KCTD8: variants seen among roughly 807,000 people sequenced by gnomAD.
KCTD8 encodes the protein potassium channel tetramerization domain containing 8, also known as BTB/POZ domain-containing protein KCTD8.
In KCTD8, 27 loss-of-function variants were observed where a neutral mutation model predicts 31.5. That is an observed-to-expected ratio of 0.86 (90% confidence interval 0.63 to 1.18). The LOEUF (loss-of-function observed/expected upper bound fraction) is 1.18. Among genes scored for constraint, KCTD8 ranks in the 50% most tolerant of loss-of-function variants. KCTD8 has a pLI of 0.00. For synonymous variants in KCTD8, 290 were observed against 280.0 expected (o/e 1.04, Z -0.36); for missense variants, 658 against 647.7 (o/e 1.02, Z -0.17).
At chr4:44,414,403 A>C (rs945551028) in intron 1 of KCTD8, among the ~76,000 whole-genome samples, 3 of 152,170 alleles carry the variant, frequency 2.0e-5, no homozygotes, top group African/African-American at 7.2e-5. Flanking sequence ...ACTTCCAATG[A>C]CCAATTGATT....
intron 1 of KCTD8, among the ~76,000 whole-genome samples, chr4:44,334,000 A>T (rs938872398): frequency 1.6e-4 from 24 of 152,176 alleles, no homozygotes; most frequent in Non-Finnish European, 4.4e-5. Context: ...AACACCATAC[A>T]ACTGGAGAAA....
At position 44,447,688 on chromosome 4, in the gene KCTD8, G is replaced by C; in HGVS notation, c.836C>G (p.Ala279Gly). Residue 279 changes from alanine to glycine, a missense_variant, in exon 1 of 2, where the codon GCC becomes GGC. Transcript: ENST00000360029. Reference sequence around the variant, plus strand: ...GCCGGCCTCGGACAGGCGATCAAAGGCCTGCTCCAAGTAGGTGAACTTGAG... The same window carrying C: ...GCCGGCCTCGGACAGGCGATCAAAGCCCTGCTCCAAGTAGGTGAACTTGAG... The part of the protein sequence containing the change: ...FYLKFTYLEQ[A>G]FDRLSEAGFH... 1 of 1,612,618 alleles carries C rather than the reference G, an allele frequency of 6.2e-7. No individual in the cohort carries two copies. The highest frequency in any genetic ancestry group is 8.5e-7 in the Non-Finnish European group (1 of 1,179,470).
rs942912889 is a variant in KCTD8, at chr4:44,447,783, G to A, written c.741C>T (p.Val247=). ...VCGRIALAKE[V]FGDTLNESRD... ...GGCTCTCGTTGAGCGTGTCCCCGAA[G>A]ACCTCCTTGGCCAGCGCGATGCGCC... Residue 247 remains valine (V), a synonymous_variant, in exon 1 of 2, where the codon GTC becomes GTT. Transcript: ENST00000360029. 6.2e-7 allele frequency: 1 copy of A among 1,610,440 alleles called. No individual in the cohort carries two copies. Among genetic ancestry groups the A allele is most frequent in the Non-Finnish European group, 8.5e-7 (1 of 1,178,272 alleles).
At chr4:44,389,501 T>C (rs1720313594) in intron 1 of KCTD8, among the ~76,000 whole-genome samples, 1 of 151,756 alleles carries the variant, frequency 6.6e-6, no homozygotes, top group Non-Finnish European at 1.5e-5. Flanking sequence ...AAATACTGTA[T>C]GATTCCATAT....
At chr4:44,240,550 G>C (rs1715428849) in intron 1 of KCTD8, among the ~76,000 whole-genome samples, 1 of 152,134 alleles carries the variant, frequency 6.6e-6, no homozygotes. Context: ...TGTTGCCCAG[G>C]CTGATCTCAA....
At chr4:44,410,349 ACT>A (rs1720925558) in intron 1 of KCTD8, among the ~76,000 whole-genome samples, 1 of 152,072 alleles carries the variant, frequency 6.6e-6, no homozygotes, top group Non-Finnish European at 1.5e-5. Flanking sequence ...CACATATTAA[ACT>A]CTTTCTATTA....
chr4:44,416,839 T>G (rs904586390), intron 1 of KCTD8, among the ~76,000 whole-genome samples: 1 of 152,210 alleles, frequency 6.6e-6, no homozygotes, highest in South Asian at 2.1e-4. Context: ...CTTATAGCAA[T>G]GCAAGAATGA....
At chr4:44,318,592 T>C (rs1444356047) in intron 1 of KCTD8, among the ~76,000 whole-genome samples, 1 of 152,144 alleles carries the variant, frequency 6.6e-6, no homozygotes, top group Admixed American at 6.6e-5. Context: ...GAAACAAGGA[T>C]GTCATTGGAT....
intron 1 of KCTD8, among the ~76,000 whole-genome samples, chr4:44,383,548 A>G (rs1412777178): frequency 6.6e-6 from 1 of 152,118 alleles, no homozygotes; most frequent in Non-Finnish European, 1.5e-5. Flanking sequence ...AACAGTGGCA[A>G]GAATGTACAA....
At chr4:44,294,982 A>T (rs1433793725) in intron 1 of KCTD8, among the ~76,000 whole-genome samples, 1 of 152,088 alleles carries the variant, frequency 6.6e-6, no homozygotes. Flanking sequence ...GCAAAAGGAG[A>T]TAAAAGGCTG....
intron 1 of KCTD8, among the ~76,000 whole-genome samples, chr4:44,436,794 A>G (rs919112060): frequency 1.3e-5 from 2 of 152,124 alleles, no homozygotes; most frequent in African/African-American, 2.4e-5. Flanking sequence ...AAACTTTAAA[A>G]AAAATGACAA....
rs572248275 is a variant in KCTD8, at chr4:44,275,867, C to T, written c.962-100617G>A. 8.9e-4 allele frequency among the ~76,000 whole-genome samples: 135 copies of T among 152,084 alleles called. No individual in the cohort carries two copies. In the South Asian group the frequency reaches 0.016, roughly 18 times the overall value. ...TGATGGGAAGAAAATAGGAATGATGCTGCCACGTAAAGCTTCCAACAGAAA... is the reference window on the plus strand; with the variant it reads ...TGATGGGAAGAAAATAGGAATGATGTTGCCACGTAAAGCTTCCAACAGAAA... On this transcript the variant is annotated intron_variant, in intron 1 of 1. Transcript: ENST00000360029.
At chr4:44,187,083 C>T (rs1219140768) in intron 1 of KCTD8, among the ~76,000 whole-genome samples, 1 of 152,206 alleles carries the variant, frequency 6.6e-6, no homozygotes, top group Admixed American at 6.5e-5. Context: ...AAGAGCCTCA[C>T]AGTCTCTCTA....
At chr4:44,324,073 CAAAAAAAAAA>C (rs1463091572) in intron 1 of KCTD8, among the ~76,000 whole-genome samples, 1 of 136,012 alleles carries the variant, frequency 7.4e-6, no homozygotes, top group Non-Finnish European at 1.6e-5. Flanking sequence ...CAAAACAAAA[CAAAAAAAAAA>C]GGAAACCAAA....
rs548916678 is a variant in KCTD8 at position 44,365,506 on chromosome 4, G to T, written c.961+82057C>A. 2.6e-5 allele frequency among the ~76,000 whole-genome samples: 4 copies of T among 152,034 alleles called. No homozygotes were observed. The East Asian group carries it at 5.8e-4, about 22-fold the overall frequency. On this transcript the variant is annotated intron_variant, in intron 1 of 1. Coordinates refer to ENST00000360029, the MANE Select transcript of KCTD8 (RefSeq NM_198353.3). ...AAAATGAATGCATTGAATAGAATACGGAAATGTTGAGAACAATGACATTAA... is the reference window on the plus strand; with the variant it reads ...AAAATGAATGCATTGAATAGAATACTGAAATGTTGAGAACAATGACATTAA...
At chr4:44,209,516 T>C (rs1179940994) in intron 1 of KCTD8, among the ~76,000 whole-genome samples, 1 of 149,408 alleles carries the variant, frequency 6.7e-6, no homozygotes, top group Non-Finnish European at 1.5e-5. Flanking sequence ...ACACACACTC[T>C]CACACACACA....
At chr4:44,316,920 G>A (rs1718137894) in intron 1 of KCTD8, among the ~76,000 whole-genome samples, 1 of 150,646 alleles carries the variant, frequency 6.6e-6, no homozygotes, top group South Asian at 2.1e-4. Flanking sequence ...AGGGATTGCA[G>A]TGAGCCGAGA....
At position 44,224,966 on chromosome 4, in the gene KCTD8, G is replaced by A. The variant is rs75720044; in HGVS notation, c.962-49716C>T. On this transcript the variant is annotated intron_variant, in intron 1 of 1. Coordinates refer to ENST00000360029, the MANE Select transcript of KCTD8 (RefSeq NM_198353.3). Reference sequence around the variant, plus strand: ...TCATTGCTTCCGCCCACATTTCATTGGTAAGAACTAGTCATATGACCCCAT... The same window carrying A: ...TCATTGCTTCCGCCCACATTTCATTAGTAAGAACTAGTCATATGACCCCAT... Among the ~76,000 whole-genome samples, 417 of 152,214 alleles carry A rather than the reference G, an allele frequency of 2.7e-3. 3 individuals are homozygous for A. Among genetic ancestry groups the A allele is most frequent in the African/African-American group, 9.1e-3 (378 of 41,538 alleles).
Position 44,174,677 on chromosome 4 carries a change from A to T in KCTD8, c.*113T>A. ...AAATACTGTCCCACATCCACTGTTC[A>T]CAACAAGGAAGAGCAGCAAGAATCA... On this transcript the variant is annotated 3_prime_UTR_variant, in exon 2 of 2. Coordinates refer to ENST00000360029, the MANE Select transcript of KCTD8 (RefSeq NM_198353.3). 2 of 789,626 alleles carry T rather than the reference A, an allele frequency of 2.5e-6. No individual in the cohort carries two copies. Among genetic ancestry groups the T allele is most frequent in the Non-Finnish European group, 2.0e-6 (1 of 494,538 alleles). The allele number at this position is 789,626 out of a possible 1,614,324, so 48.9% of individuals were successfully genotyped here. A position where few individuals can be genotyped will look rare whatever the true frequency, so the allele number is the denominator to read the frequency against.
Sources: allele counts gnomAD v4.1 joint callset (sites outside exome capture counted in the v4.1 genomes callset), GRCh38; gene constraint gnomAD v4.1.1; transcripts MANE v1.5; gene names NCBI Gene and HGNC (gene_info 2026-07-23, HGNC 2026-07-21).